PHLDB3: variants seen among roughly 807,000 people sequenced by gnomAD.
The protein encoded by PHLDB3 is pleckstrin homology-like domain family B member 3.
In PHLDB3, 86 loss-of-function variants were observed where a neutral mutation model predicts 85.7. The observed-to-expected ratio is 1.00, with a 90% CI of 0.84 to 1.20. PHLDB3 has a LOEUF of 1.20. PHLDB3 is among the 50% of genes most tolerant of loss of function. The pLI is 0.00. For synonymous variants in PHLDB3, 376 were observed against 349.8 expected (o/e 1.07, Z -0.83); for missense variants, 995 against 873.0 (o/e 1.14, Z -1.76).
chr19:43,494,238 G>C (rs1480672342), intron 9 of PHLDB3, among the ~76,000 whole-genome samples: 1 of 152,064 alleles, frequency 6.6e-6, no homozygotes, highest in Admixed American at 6.6e-5. Context: ...TCGAACTCCT[G>C]ACCTCAGGTC....
intron 7 of PHLDB3, 30 bp from the exon 8 acceptor site, chr19:43,495,369 A>G (rs924139693): frequency 6.2e-7 from 1 of 1,609,036 alleles, no homozygotes; most frequent in Admixed American, 1.7e-5. Flanking sequence ...GCTACGTGTC[A>G]AAGTCAGAAT....
At chr19:43,493,394 G>T (rs954778157) in intron 9 of PHLDB3, among the ~76,000 whole-genome samples, 2 of 152,074 alleles carry the variant, frequency 1.3e-5, no homozygotes, top group African/African-American at 4.8e-5. Context: ...CCAGCAATTT[G>T]GGAGGCTAAA....
At position 43,497,759 on chromosome 19, in the gene PHLDB3, C is replaced by T. The variant is rs1195957995; in HGVS notation, c.652G>A (p.Gly218Ser). 1 of 1,552,012 alleles carries T rather than the reference C, an allele frequency of 6.4e-7. No individual in the cohort carries two copies. The highest frequency in any genetic ancestry group is 8.7e-7 in the Non-Finnish European group (1 of 1,147,238). ...CCAGATGCCATTACCTCCTGCACAC[C>T]CTGCAGAAGCCGCTCGCGTTGGTCC... The part of the protein sequence containing the change: ...PEDQRERLLQ[G>S]VQEMREQLDV... The change falls in exon 5 of 16, where the codon GGT (glycine) becomes AGT (serine). Residue 218 changes from glycine (G) to serine (S), a missense_variant. Physicochemically the swap from Gly to Ser is moderately conservative, Grantham distance 56. Transcript: ENST00000292140.
At position 43,501,720 on chromosome 19, in the gene PHLDB3, T is replaced by A. The variant is rs1971603534; in HGVS notation, c.534+14A>T. The A allele has an allele frequency of 1.3e-6, 2 of 1,576,838 alleles. No individual in the cohort carries two copies. The highest frequency in any genetic ancestry group is 1.7e-6 in the Non-Finnish European group (2 of 1,168,440). Reference sequence around the variant, plus strand: ...AAGGACACTGCTGATGAAGACCCGGTGAGCCAAACAGACCTGTTCCCGCTG... The same window carrying A: ...AAGGACACTGCTGATGAAGACCCGGAGAGCCAAACAGACCTGTTCCCGCTG... On this transcript the variant is annotated intron_variant, in intron 4 of 15. Coordinates refer to ENST00000292140, the MANE Select transcript of PHLDB3 (RefSeq NM_198850.4).
intron 14 of PHLDB3, 103 bp downstream of exon 14, chr19:43,479,274 G>A (rs1378457591): frequency 1.6e-6 from 2 of 1,213,226 alleles, no homozygotes; most frequent in Admixed American, 2.2e-5. Flanking sequence ...GGATCCTGGG[G>A]AACATGGAAA....
At chr19:43,484,690 C>T (rs193230294) in intron 13 of PHLDB3, among the ~76,000 whole-genome samples, 5 of 152,134 alleles carry the variant, frequency 3.3e-5, no homozygotes, top group Admixed American at 2.0e-4. Context: ...CTAGCCTGGG[C>T]GACAAGAGTA....
At chr19:43,503,874 G>C (rs1296963318) in intron 2 of PHLDB3, 32 bp downstream of exon 2, 1 of 1,612,202 alleles carries the variant, frequency 6.2e-7, no homozygotes. Flanking sequence ...GTCGGTCCAA[G>C]CCCCCCGCGC....
intron 9 of PHLDB3, among the ~76,000 whole-genome samples, chr19:43,488,132 C>T (rs951781003): frequency 6.7e-6 from 1 of 150,292 alleles, no homozygotes; most frequent in African/African-American, 2.5e-5. Context: ...CCAGGCTGGA[C>T]GACAGAGCGA....
At position 43,478,061 on chromosome 19, in the gene PHLDB3, G is replaced by A. The variant is rs565828916; in HGVS notation, c.1774C>T (p.Arg592Cys). The change falls in exon 15 of 16, where the codon CGC (arginine) becomes TGC (cysteine). Residue 592 changes from arginine to cysteine, a missense_variant. Physicochemically the swap from Arg to Cys is radical, Grantham distance 180. Transcript: ENST00000292140. ...AGGGGCTTCACCTTGAAGGCACAGCGTAAGTGGTCATAATAGACTTCCTCA... is the reference window on the plus strand; with the variant it reads ...AGGGGCTTCACCTTGAAGGCACAGCATAAGTGGTCATAATAGACTTCCTCA... Reference protein sequence around the residue: ...AIEEVYYDHLRCAFKSPNPRL... With the variant: ...AIEEVYYDHLCCAFKSPNPRL... 739 of 1,612,852 alleles carry A rather than the reference G, an allele frequency of 4.6e-4. 11 individuals are homozygous for A. The South Asian group carries it at 7.2e-3, about 16-fold the overall frequency.
chr19:43,498,145 C>T (rs551434859), intron 4 of PHLDB3, among the ~76,000 whole-genome samples: 2 of 152,240 alleles, frequency 1.3e-5, no homozygotes, highest in South Asian at 4.1e-4. Flanking sequence ...TGAGACTAGC[C>T]TGGGCAACAT....
chr19:43,504,067 C>G lies in PHLDB3; in HGVS notation c.52G>C (p.Glu18Gln). 1.9e-6 allele frequency: 3 copies of G among 1,613,284 alleles called. No individual in the cohort carries two copies. The highest frequency in any genetic ancestry group is 2.5e-6 in the Non-Finnish European group (3 of 1,179,596). Residue 18 changes from glutamate (E) to glutamine (Q), a missense_variant, in exon 2 of 16, where the codon GAA becomes CAA. Transcript: ENST00000292140. ...TGGGGCTGGACCTCCACGTCGCATT[C>G]CGGGACCAGCGGCGGCGGGGTCCCC... ...EEGTPPPLVP[E>Q]CDVEVQPQGH...
At chr19:43,498,487 A>AGGAAGGAAGGAATGAT (rs892436550) in intron 4 of PHLDB3, among the ~76,000 whole-genome samples, 1 of 152,162 alleles carries the variant, frequency 6.6e-6, no homozygotes, top group East Asian at 1.9e-4. Context: ...ACAAAAAGGA[A>AGGAAGGAAGGAATGAT]GGAAGGAAGG....
At chr19:43,487,574 C>CAAAAAAAAAAAAAAAAAAA (rs760708749) in intron 9 of PHLDB3, among the ~76,000 whole-genome samples, 32 of 38,498 alleles carry the variant, frequency 8.3e-4, no homozygotes, top group East Asian at 3.8e-3. Flanking sequence ...GACTCTGTCT[C>CAAAAAAAAAAAAAAAAAAA]AAAAAAAAAA....
intron 12 of PHLDB3, 120 bp from the exon 13 acceptor site, chr19:43,486,442 G>A: frequency 1.6e-6 from 2 of 1,261,062 alleles, no homozygotes; most frequent in South Asian, 2.9e-5. Context: ...GGACTCCTGG[G>A]TATGAGGGAG....
At chr19:43,495,221 G>A (rs752912840) in intron 8 of PHLDB3, 35 bp downstream of exon 8, 5 of 1,591,192 alleles carry the variant, frequency 3.1e-6, no homozygotes, top group South Asian at 2.2e-5. Context: ...AAGTCTGAGG[G>A]AGGAGGGACT....
At chr19:43,503,859 T>A (rs1971678647) in intron 2 of PHLDB3, 47 bp downstream of exon 2, 1 of 1,608,854 alleles carries the variant, frequency 6.2e-7, no homozygotes, top group African/African-American at 1.3e-5. Context: ...CCTGTTTGGG[T>A]CCCCGTCGGT....
intron 4 of PHLDB3, chr19:43,501,455 G>GA: frequency 1.9e-6 from 1 of 515,940 alleles, no homozygotes; most frequent in East Asian, 4.0e-5. Flanking sequence ...AAAGTGCTAT[G>GA]ATTACAGGCG....
At chr19:43,480,264 TAAAAA>T (rs57417757) in intron 13 of PHLDB3, among the ~76,000 whole-genome samples, 1 of 71,608 alleles carries the variant, frequency 1.4e-5, no homozygotes, top group Non-Finnish European at 2.5e-5. Context: ...CTTCTCTATT[TAAAAA>T]AAAAAAAAAA....
chr19:43,499,952 G>C (rs1158707329), intron 4 of PHLDB3, among the ~76,000 whole-genome samples: 1 of 151,960 alleles, frequency 6.6e-6, no homozygotes, highest in African/African-American at 2.4e-5. Context: ...TGTTGGCCAG[G>C]CTGGCCTCGA....
Sources: gnomAD v4.1 joint callset for allele counts (sites outside exome capture counted in the v4.1 genomes callset) on GRCh38, gnomAD v4.1.1 for gene constraint, MANE v1.5 for transcripts, NCBI Gene and HGNC (gene_info 2026-07-23, HGNC 2026-07-21) for gene names.